The following NUSAP1 variants were observed in gnomAD, a reference collection of about 807,000 sequenced individuals.
The protein encoded by NUSAP1 is nucleolar and spindle associated protein 1.
A neutral mutation model predicts 52.8 loss-of-function variants in NUSAP1; 32 were observed. The ratio of observed to expected loss-of-function variants is 0.61; its 90% CI spans 0.46 to 0.81. NUSAP1 has a LOEUF of 0.81. Among genes scored for constraint, NUSAP1 ranks in the 40% least tolerant of loss-of-function variants. NUSAP1 has a pLI of 0.00. For synonymous variants in NUSAP1, 195 were observed against 183.1 expected (o/e 1.06, Z -0.52); for missense variants, 499 against 522.3 (o/e 0.96, Z 0.43).
intron 1 of NUSAP1, among the ~76,000 whole-genome samples, chr15:41,336,707 C>A (rs1205169231): frequency 1.5e-5 from 2 of 134,638 alleles, no homozygotes; most frequent in Non-Finnish European, 3.0e-5. Context: ...GCTGCAGTGG[C>A]ACAATCAGGC....
At chr15:41,334,109 T>TA (rs374244575) in intron 1 of NUSAP1, among the ~76,000 whole-genome samples, 1 of 143,448 alleles carries the variant, frequency 7.0e-6, no homozygotes, top group Non-Finnish European at 1.6e-5. Context: ...ATTTTTTTTT[T>TA]ATTTGTTTGT....
chr15:41,379,203 C>T (rs964535677), intron 10 of NUSAP1, among the ~76,000 whole-genome samples: 2 of 152,060 alleles, frequency 1.3e-5, no homozygotes, highest in Non-Finnish European at 2.9e-5. Context: ...ATCCACCCAC[C>T]TTGGCCTCCC....
chr15:41,347,031 G>T (rs1381304355), intron 2 of NUSAP1, among the ~76,000 whole-genome samples: 4 of 151,978 alleles, frequency 2.6e-5, no homozygotes, highest in African/African-American at 9.7e-5. Flanking sequence ...AATTAGCTGG[G>T]CATGGTGGCA....
chr15:41,348,669 C>T (rs1281741587), intron 2 of NUSAP1, among the ~76,000 whole-genome samples: 2 of 152,094 alleles, frequency 1.3e-5, no homozygotes, highest in East Asian at 1.9e-4. Context: ...GACGGAGTTT[C>T]GTTCTTGTTG....
At chr15:41,374,279 G>GA (rs2049828953) in intron 8 of NUSAP1, among the ~76,000 whole-genome samples, 1 of 152,182 alleles carries the variant, frequency 6.6e-6, no homozygotes, top group South Asian at 2.1e-4. Flanking sequence ...GAGGCTGGAT[G>GA]AGGGCAGATC....
In NUSAP1 at chr15:41,375,744, A is replaced by G. The variant is rs1186600962; in HGVS notation, c.1039A>G (p.Thr347Ala). The G allele has an allele frequency of 1.2e-6, 2 of 1,613,616 alleles. No homozygotes were observed. The highest frequency in any genetic ancestry group is 2.7e-5 in the African/African-American group (2 of 74,928). Residue 347 changes from threonine (T) to alanine (A), a missense_variant, in exon 9 of 11, where the codon ACG becomes GCG. Coordinates refer to ENST00000559596, the MANE Select transcript of NUSAP1 (RefSeq NM_016359.5). ...ITPFKLTTEA[T>A]QTPVSNKKPV... is the part of the protein sequence containing the mutation. ...CCCATTCAAGTTGACAACTGAGGCA[A>G]CGCAGACTCCAGTCTCCAATAAGAA...
chr15:41,359,771 T>A (rs1374688199), intron 6 of NUSAP1, among the ~76,000 whole-genome samples: 5 of 151,980 alleles, frequency 3.3e-5, no homozygotes, highest in Admixed American at 2.6e-4. Context: ...TAGCTGAGAT[T>A]ACAGGCGCCC....
At chr15:41,376,187 G>A (rs539402476) in intron 9 of NUSAP1, among the ~76,000 whole-genome samples, 1 of 152,126 alleles carries the variant, frequency 6.6e-6, no homozygotes, top group African/African-American at 2.4e-5. Flanking sequence ...CTTGAGGTCA[G>A]GAGTTCGAGA....
chr15:41,336,942 C>A (rs2048174728), intron 1 of NUSAP1, among the ~76,000 whole-genome samples: 1 of 150,248 alleles, frequency 6.7e-6, no homozygotes, highest in Non-Finnish European at 1.5e-5. Context: ...ATGCAATCAA[C>A]AGAAAACTGC....
intron 7 of NUSAP1, 102 bp downstream of exon 7, chr15:41,365,691 G>T (rs2049374683): frequency 1.4e-6 from 1 of 718,468 alleles, no homozygotes; most frequent in South Asian, 2.9e-5. Context: ...ATACTCATAG[G>T]GTACATAGTG....
chr15:41,349,389 C>T (rs2048698908), intron 3 of NUSAP1, 148 bp downstream of exon 3: 2 of 715,956 alleles, frequency 2.8e-6, no homozygotes, highest in Admixed American at 5.9e-5. Context: ...AGACCCAAGT[C>T]CAGCTGCTCA....
Position 41,371,584 on chromosome 15 carries a change from C to A in NUSAP1, c.906C>A (p.Ala302=). The change falls in exon 8 of 11, where the codon GCC becomes GCA. Residue 302 remains alanine, a synonymous_variant. Coordinates refer to ENST00000559596, the MANE Select transcript of NUSAP1 (RefSeq NM_016359.5). ...AGCGTTCACTGACCAAGACTCCAGC[C>A]AGAAAGTCTGCACATGTGACCGTGT... The part of the protein sequence containing the change: ...EHKRSLTKTP[A]RKSAHVTVSG... 2.5e-6 allele frequency: 4 copies of A among 1,611,306 alleles called. No individual in the cohort carries two copies. Among genetic ancestry groups the A allele is most frequent in the Non-Finnish European group, 3.4e-6 (4 of 1,179,194 alleles).
chr15:41,368,566 G>A (rs1377013601), intron 7 of NUSAP1, among the ~76,000 whole-genome samples: 1 of 152,002 alleles, frequency 6.6e-6, no homozygotes, highest in South Asian at 2.1e-4. Flanking sequence ...GTCACCTTCA[G>A]TGGGACTTTC....
intron 7 of NUSAP1, among the ~76,000 whole-genome samples, chr15:41,368,189 T>C (rs1338556374): frequency 6.6e-6 from 1 of 152,190 alleles, no homozygotes; most frequent in African/African-American, 2.4e-5. Flanking sequence ...TTTGCTTTTG[T>C]TTCTGTTTTG....
chr15:41,378,944 GTTTTTTTTTTTT>G (rs1187469450), intron 10 of NUSAP1, among the ~76,000 whole-genome samples: 8 of 63,262 alleles, frequency 1.3e-4, no homozygotes, highest in South Asian at 7.4e-4. Context: ...ACTTATCTTG[GTTTTTTTTTTTT>G]TTTTTTTTTT....
chr15:41,377,555 T>G (rs377744887), intron 10 of NUSAP1, among the ~76,000 whole-genome samples: 2 of 147,584 alleles, frequency 1.4e-5, no homozygotes, highest in East Asian at 2.1e-4. Flanking sequence ...AAAAATTAGC[T>G]GGGCATGGTG....
intron 6 of NUSAP1, among the ~76,000 whole-genome samples, chr15:41,360,462 G>A (rs2049129345): frequency 6.6e-6 from 1 of 152,030 alleles, no homozygotes; most frequent in Admixed American, 6.6e-5. Flanking sequence ...GATTATAGGT[G>A]CCTGCCACCA....
Position 41,358,160 on chromosome 15 carries a change from C to T in NUSAP1, c.562C>T (p.Leu188Phe), listed in dbSNP as rs746557428. The T allele has an allele frequency of 2.9e-5, 44 of 1,493,146 alleles. No individual in the cohort carries two copies. The highest frequency in any genetic ancestry group is 3.7e-5 in the Non-Finnish European group (40 of 1,084,428). 92.5% of individuals were successfully genotyped at this position (1,493,146 alleles called of 1,614,324 possible). ...TAITTPNFKKLHEAHFKEMES... is the reference protein window; with the variant it reads ...TAITTPNFKKFHEAHFKEMES... ...TTGGAACATTCTAGACTTTAAGAAG[C>T]TTCATGAAGCTCATTTTAAGGAAAT... Residue 188 changes from leucine to phenylalanine, a missense_variant, in exon 6 of 11, where the codon CTT becomes TTT. Coordinates refer to ENST00000559596, the MANE Select transcript of NUSAP1 (RefSeq NM_016359.5).
chr15:41,375,601 A>G (rs1321884996), intron 8 of NUSAP1, 111 bp from the exon 9 acceptor site: 7 of 729,204 alleles, frequency 9.6e-6, no homozygotes, highest in East Asian at 5.5e-5. Flanking sequence ...GTGGGCCACC[A>G]TGCCCAGCCT....
Sources: gnomAD v4.1 joint callset for allele counts (sites outside exome capture counted in the v4.1 genomes callset) on GRCh38, gnomAD v4.1.1 for gene constraint, MANE v1.5 for transcripts, NCBI Gene and HGNC (gene_info 2026-07-23, HGNC 2026-07-21) for gene names.